EIF1AX: variants seen among roughly 807,000 people sequenced by gnomAD.
The protein encoded by EIF1AX is eukaryotic translation initiation factor 1A, X-chromosomal.
A neutral mutation model predicts 16.1 loss-of-function variants in EIF1AX; 1 was observed. That is an observed-to-expected ratio of 0.06 (90% confidence interval 0.02 to 0.30). EIF1AX has a LOEUF of 0.30. Among genes scored for constraint, EIF1AX ranks in the 10% least tolerant of loss-of-function variants. EIF1AX has a pLI of 1.00. For missense variants in EIF1AX, 11 were observed against 109.1 expected (o/e 0.10, Z 4.00); for synonymous variants, 32 against 37.3 (o/e 0.86, Z 0.51).
chrX:20,128,390 T>G, intron 6 of EIF1AX, 79 bp from the exon 7 acceptor site: 1 of 856,033 alleles, frequency 1.2e-6, no homozygotes, highest in Non-Finnish European at 1.7e-6. Context: ...TAAGGGAGAC[T>G]TTCACCTCCT....
At chrX:20,136,155 T>C in intron 2 of EIF1AX, 2 of 284,103 alleles carry the variant, frequency 7.0e-6, no homozygotes, top group South Asian at 3.9e-5. Flanking sequence ...TAGGCTTTCA[T>C]AGACATACAT....
chrX:20,128,341 G>C (rs1249756207), intron 6 of EIF1AX, 30 bp from the exon 7 acceptor site: 1 of 1,173,603 alleles, frequency 8.5e-7, no homozygotes, highest in Non-Finnish European at 1.2e-6. Context: ...CAGATGAAAG[G>C]AAAAAGAATT....
In EIF1AX at chrX:20,126,315, T is replaced by C. The variant is rs1419286613; in HGVS notation, c.*1991A>G. ...GAATTCCTCCAAGTAGTATTGCATA[T>C]AAGCTACAACTTTACCCCAACTATT... On this transcript the variant is annotated 3_prime_UTR_variant, in exon 7 of 7. Transcript: ENST00000379607. 1 of 128,719 alleles carries C rather than the reference T, an allele frequency of 7.8e-6. No homozygotes were observed. The highest frequency in any genetic ancestry group is 1.5e-5 in the Non-Finnish European group (1 of 67,024). 10.6% of individuals were successfully genotyped at this position (128,719 alleles called of 1,213,427 possible). A position where few individuals can be genotyped will look rare whatever the true frequency, so the allele number is the denominator to read the frequency against.
intron 2 of EIF1AX, among the ~76,000 whole-genome samples, chrX:20,137,994 GTTTTTTTT>G (rs72040979): frequency 1.9e-4 from 7 of 36,762 alleles, no homozygotes; most frequent in East Asian, 1.1e-3. Flanking sequence ...TCTCTATACA[GTTTTTTTT>G]TTTTTTTTTT....
At chrX:20,138,700 G>A (rs2067025187) in intron 1 of EIF1AX, 78 bp from the exon 2 acceptor site, 3 of 729,378 alleles carry the variant, frequency 4.1e-6, no homozygotes, top group East Asian at 3.5e-5. Context: ...ATGAAATTAA[G>A]GCTTATAAAA....
chrX:20,128,204 T>C lies in EIF1AX; in HGVS notation c.*102A>G, dbSNP rs1389447179. ...AAACAAATCAGTCTGCTTTAACAAATTGCATTCATGCTAATGAAATTTTAA... is the reference window on the plus strand; with the variant it reads ...AAACAAATCAGTCTGCTTTAACAAACTGCATTCATGCTAATGAAATTTTAA... On this transcript the variant is annotated 3_prime_UTR_variant, in exon 7 of 7. Transcript: ENST00000379607. 1.5e-5 allele frequency: 12 copies of C among 800,180 alleles called. No homozygotes were observed. Among genetic ancestry groups the C allele is most frequent in the African/African-American group, 6.4e-5 (3 of 46,640 alleles). The allele number at this position is 800,180 out of a possible 1,213,427, so 65.9% of individuals were successfully genotyped here.
intron 2 of EIF1AX, chrX:20,136,157 G>T (rs2067016047): frequency 7.0e-6 from 2 of 284,266 alleles, no homozygotes; most frequent in African/African-American, 5.4e-5. Flanking sequence ...GGCTTTCATA[G>T]ACATACATAT....
chrX:20,141,594 A>G, intron 1 of EIF1AX, 31 bp downstream of exon 1: 2 of 1,149,581 alleles, frequency 1.7e-6, no homozygotes. Flanking sequence ...GGCCGAGCAG[A>G]GCCGTGGTCC....
chrX:20,133,945 T>C lies in EIF1AX; in HGVS notation c.255+12A>G. Reference sequence around the variant, plus strand: ...GCCAGTAAAATAGGAAAAATTTACATGTAAATTTTACCTGGTAGTCTCGGA... The same window carrying C: ...GCCAGTAAAATAGGAAAAATTTACACGTAAATTTTACCTGGTAGTCTCGGA... On this transcript the variant is annotated intron_variant, in intron 4 of 6. Transcript: ENST00000379607. The C allele has an allele frequency of 1.7e-6, 2 of 1,175,583 alleles. No individual in the cohort carries two copies. The highest frequency in any genetic ancestry group is 2.3e-6 in the Non-Finnish European group (2 of 873,475).
intron 4 of EIF1AX, among the ~76,000 whole-genome samples, chrX:20,133,090 G>A (rs2067005761): frequency 9.0e-6 from 1 of 111,554 alleles, no homozygotes; most frequent in Non-Finnish European, 1.9e-5. Context: ...GGAGGGGCAC[G>A]GAAAGATCAT....
chrX:20,134,851 A>ATT (rs1434178389), intron 3 of EIF1AX, among the ~76,000 whole-genome samples: 9 of 112,754 alleles, frequency 8.0e-5, no homozygotes, highest in African/African-American at 2.9e-4. Flanking sequence ...AGTCAACCTG[A>ATT]TTAATAAATC....
chrX:20,139,936 G>A (rs1245509019), intron 1 of EIF1AX: 1 of 112,361 alleles, frequency 8.9e-6, no homozygotes, highest in Non-Finnish European at 1.9e-5. Flanking sequence ...TTTAAGAAAA[G>A]ACTAATTACT....
chrX:20,136,229 G>A (rs931398165), intron 2 of EIF1AX: 11 of 338,344 alleles, frequency 3.3e-5, no homozygotes, highest in East Asian at 8.2e-5. Context: ...ACACGTGTGC[G>A]TGCACACACA....
intron 6 of EIF1AX, among the ~76,000 whole-genome samples, chrX:20,130,303 A>C (rs991996370): frequency 1.3e-4 from 8 of 61,370 alleles, no homozygotes; most frequent in South Asian, 1.1e-3. Flanking sequence ...ACTCCATCAC[A>C]AAAAAAAAAA....
rs931648662 is a variant in EIF1AX at position 20,132,801 on chromosome X, T to C, written c.256-538A>G. Among the ~76,000 whole-genome samples, 12 of 112,300 alleles carry C rather than the reference T, an allele frequency of 1.1e-4. No individual in the cohort carries two copies. In the East Asian group the frequency reaches 3.3e-3, roughly 31 times the overall value. ...GCCCAAGAATTAGTATTGTGAGAAG[T>C]TCTTTAGGTATTTCTGATGCAAAAG... On this transcript the variant is annotated intron_variant, in intron 4 of 6. Transcript: ENST00000379607.
chrX:20,128,347 G>T (rs769673254), intron 6 of EIF1AX, 36 bp from the exon 7 acceptor site: 1 of 1,163,516 alleles, frequency 8.6e-7, no homozygotes, highest in Non-Finnish European at 1.2e-6. Flanking sequence ...AAAGGAAAAA[G>T]AATTCTTATA....
intron 2 of EIF1AX, among the ~76,000 whole-genome samples, chrX:20,137,121 G>A (rs2067019370): frequency 8.9e-6 from 1 of 111,930 alleles, no homozygotes; most frequent in African/African-American, 3.2e-5. Context: ...GTAACATGAT[G>A]TCTCTAAATT....
chrX:20,128,064 G>C lies in EIF1AX; in HGVS notation c.*242C>G, dbSNP rs1451232362. The stretch of plus-strand genomic sequence containing the variant: ...TTTTTTTTTTTTTTTGTAATTAGTA[G>C]ACATGGTCTTCTACCCATAAGCTCC... On this transcript the variant is annotated 3_prime_UTR_variant, in exon 7 of 7. Transcript: ENST00000379607. The C allele has an allele frequency of 2.5e-5, 6 of 242,698 alleles. No homozygotes were observed. Among genetic ancestry groups the C allele is most frequent in the Non-Finnish European group, 4.4e-5 (6 of 136,279 alleles). The allele number at this position is 242,698 out of a possible 1,213,427, so 20.0% of individuals were successfully genotyped here. A position where few individuals can be genotyped will look rare whatever the true frequency, so the allele number is the denominator to read the frequency against.
At chrX:20,139,005 G>A (rs1457064189) in intron 1 of EIF1AX, among the ~76,000 whole-genome samples, 4 of 112,260 alleles carry the variant, frequency 3.6e-5, no homozygotes, top group Non-Finnish European at 7.5e-5. Context: ...CCTATGCAAG[G>A]AACCCGATAC....
Sources: allele counts gnomAD v4.1 joint callset (sites outside exome capture counted in the v4.1 genomes callset), GRCh38; gene constraint gnomAD v4.1.1; transcripts MANE v1.5; gene names NCBI Gene and HGNC (gene_info 2026-07-23, HGNC 2026-07-21).